Variants in ZPLD1 observed in about 807,000 individuals in gnomAD.
The protein encoded by ZPLD1 is zona pellucida like domain containing 1.
A neutral mutation model predicts 47.2 loss-of-function variants in ZPLD1; 34 were observed. The ratio of observed to expected loss-of-function variants is 0.72; its 90% CI spans 0.55 to 0.96. ZPLD1 has a LOEUF of 0.96. Among genes scored for constraint, ZPLD1 ranks in the 40% least tolerant of loss-of-function variants. The pLI is 0.00. For synonymous variants in ZPLD1, 176 were observed against 186.2 expected, an observed-to-expected ratio of 0.95 and a Z score of 0.45; for missense variants, 512 against 505.8, an observed-to-expected ratio of 1.01 and a Z score of -0.12.
intron 10 of ZPLD1, among the ~76,000 whole-genome samples, chr3:102,476,751 A>T (rs1317456556): frequency 1.3e-5 from 2 of 152,030 alleles, no homozygotes; most frequent in Admixed American, 1.3e-4. Context: ...TTTCTATTAC[A>T]TTTGTATACC....
intron 8 of ZPLD1, 71 bp from the exon 9 acceptor site, chr3:102,468,893 A>G (rs1707638709): frequency 6.9e-7 from 1 of 1,459,280 alleles, no homozygotes; most frequent in African/African-American, 1.4e-5. Flanking sequence ...ATACGGTAGA[A>G]ATTAATTTAC....
At position 102,477,392 on chromosome 3, in the gene ZPLD1, G is replaced by C. The variant is rs755367340; in HGVS notation, c.1073-51G>C. 2.6e-6 allele frequency: 4 copies of C among 1,568,496 alleles called. No individual in the cohort carries two copies. The South Asian group carries it at 3.6e-5, about 14-fold the overall frequency. On this transcript the variant is annotated intron_variant, in intron 11 of 11. Coordinates refer to ENST00000466937, the MANE Select transcript of ZPLD1 (RefSeq NM_001329788.2). ...TGCAGGTAAAATTGGGTCAAGGTGA[G>C]ATAAATATTATATGGGGCCTTTACA...
intron 7 of ZPLD1, 114 bp downstream of exon 7, chr3:102,462,492 C>A (rs1335188345): frequency 4.7e-6 from 3 of 635,138 alleles, no homozygotes; most frequent in Non-Finnish European, 8.0e-6. Context: ...ATTATCATTG[C>A]CACACCATTT....
At chr3:102,450,823 T>A (rs1046708265) in intron 3 of ZPLD1, among the ~76,000 whole-genome samples, 3 of 152,324 alleles carry the variant, frequency 2.0e-5, no homozygotes, top group African/African-American at 7.2e-5. Flanking sequence ...AGTTCATAGA[T>A]ACTCATAAAC....
At chr3:102,393,407 C>T (rs1264318022) in intron 7 of ZPLD1, among the ~76,000 whole-genome samples, 3 of 152,070 alleles carry the variant, frequency 2.0e-5, no homozygotes, top group African/African-American at 7.2e-5. Context: ...ATTGCAGATT[C>T]AACAACTCCG....
At chr3:102,464,587 G>A (rs916743980) in intron 8 of ZPLD1, among the ~76,000 whole-genome samples, 1 of 152,138 alleles carries the variant, frequency 6.6e-6, no homozygotes, top group Non-Finnish European at 1.5e-5. Context: ...ATGCAATAGA[G>A]GTTACTATTT....
At chr3:102,477,182 C>A in intron 11 of ZPLD1, 141 bp downstream of exon 11, 1 of 1,018,158 alleles carries the variant, frequency 9.8e-7, no homozygotes, top group Non-Finnish European at 1.5e-6. Flanking sequence ...TTTTCAAACT[C>A]ATATGTGATC....
At position 102,476,812 on chromosome 3, in the gene ZPLD1, A is replaced by G. The variant is rs574399688; in HGVS notation, c.1043-200A>G. 9.2e-5 allele frequency among the ~76,000 whole-genome samples: 14 copies of G among 152,264 alleles called. No individual in the cohort carries two copies. The South Asian group carries it at 2.3e-3, about 25-fold the overall frequency. ...GGGGAATAGAAAGATGATGAAATCC[A>G]GGACATATGAAACAGGGCATGGACA... is the stretch of plus-strand genomic sequence containing the variant. On this transcript the variant is annotated intron_variant, in intron 10 of 11. Coordinates refer to ENST00000466937, the MANE Select transcript of ZPLD1 (RefSeq NM_001329788.2).
At chr3:102,470,694 C>G (rs1225867965) in intron 10 of ZPLD1, among the ~76,000 whole-genome samples, 192 bp downstream of exon 10, 1 of 151,580 alleles carries the variant, frequency 6.6e-6, no homozygotes, top group African/African-American at 2.4e-5. Flanking sequence ...GCAATATTGT[C>G]TTTACTACGT....
chr3:102,389,253 T>C (rs1394816547), intron 6 of ZPLD1, among the ~76,000 whole-genome samples: 1 of 152,186 alleles, frequency 6.6e-6, no homozygotes, highest in African/African-American at 2.4e-5. Flanking sequence ...TACAATTAAT[T>C]TGGTGAAATT....
chr3:102,472,053 G>A lies in ZPLD1; in HGVS notation c.1042+1551G>A, dbSNP rs72942863. ...GAAATAGGCAAATCAGCAAAAAGTGGTTTTGGCCCAAAAAATTCAGACAAT... is the reference window on the plus strand; with the variant it reads ...GAAATAGGCAAATCAGCAAAAAGTGATTTTGGCCCAAAAAATTCAGACAAT... On this transcript the variant is annotated intron_variant, in intron 10 of 11. Coordinates refer to ENST00000466937, the MANE Select transcript of ZPLD1 (RefSeq NM_001329788.2). Among the ~76,000 whole-genome samples the A allele has an allele frequency of 3.1e-3, 466 of 152,278 alleles. 2 individuals carry two copies. Among genetic ancestry groups the A allele is most frequent in the Middle Eastern group, 0.024 (7 of 294 alleles).
chr3:102,470,417 A>G lies in ZPLD1; in HGVS notation c.957A>G (p.Arg319=), dbSNP rs1466901412. The change falls in exon 10 of 12, where the codon AGA becomes AGG. Residue 319 remains arginine, a synonymous_variant. Coordinates refer to ENST00000466937, the MANE Select transcript of ZPLD1 (RefSeq NM_001329788.2). ...AGATTTGCAGCCACAGAGAAAGGAG[A>G]GATGCTGGGAGGAGGACGACTTGGA... ...LMPICSHRER[R]DAGRRTTWSP... 6.2e-7 allele frequency: 1 copy of G among 1,613,684 alleles called. No homozygotes were observed. The highest frequency in any genetic ancestry group is 8.5e-7 in the Non-Finnish European group (1 of 1,179,878).
chr3:102,431,425 A>G (rs939983780), upstream of ZPLD1, among the ~76,000 whole-genome samples: 4 of 152,196 alleles, frequency 2.6e-5, no homozygotes, highest in Non-Finnish European at 5.9e-5. Flanking sequence ...TTCTACATTA[A>G]TGAATGTATA....
At chr3:102,411,764 G>A (rs1706749803) in intron 7 of ZPLD1, among the ~76,000 whole-genome samples, 1 of 151,732 alleles carries the variant, frequency 6.6e-6, no homozygotes, top group African/African-American at 2.4e-5. Context: ...ATTAATTATA[G>A]GATAGGAGAG....
At chr3:102,432,466 G>T (rs10937024), upstream of ZPLD1, among the ~76,000 whole-genome samples, 20,036 of 152,152 alleles carry the variant, frequency 0.13, 1,391 homozygotes, top group Middle Eastern at 0.18. Context: ...TATTTAGTTT[G>T]AATTTTCTAT....
At chr3:102,390,783 C>T (rs1156419412) in intron 6 of ZPLD1, among the ~76,000 whole-genome samples, 1 of 152,160 alleles carries the variant, frequency 6.6e-6, no homozygotes, top group Non-Finnish European at 1.5e-5. Context: ...TAACTGGCCA[C>T]TCATAGCCAT....
chr3:102,409,975 G>A (rs1376079240), intron 7 of ZPLD1, among the ~76,000 whole-genome samples: 1 of 151,730 alleles, frequency 6.6e-6, no homozygotes, highest in Non-Finnish European at 1.5e-5. Context: ...TAACAACATT[G>A]ATTAGGTTTT....
rs1301107890 is a variant in ZPLD1, at chr3:102,477,553, C to T, written c.1183C>T (p.Leu395Phe). 2.5e-6 allele frequency: 4 copies of T among 1,613,666 alleles called. No individual in the cohort carries two copies. Among genetic ancestry groups the T allele is most frequent in the Non-Finnish European group, 3.4e-6 (4 of 1,179,778 alleles). ...SFSLLLCSLA[L>F]LHRKGPTSLV... ...TTCTCTTCTTCTGTGCTCACTGGCC[C>T]TTCTGCACAGGAAGGGACCCACAAG... Residue 395 changes from leucine (L) to phenylalanine (F), a missense_variant, in exon 12 of 12, where the codon CTT becomes TTT. Physicochemically the swap from Leu to Phe is conservative, Grantham distance 22 (BLOSUM62 0). Transcript: ENST00000466937.
chr3:102,462,314 A>G lies in ZPLD1; in HGVS notation c.616A>G (p.Ser206Gly), dbSNP rs1245088875. The change falls in exon 7 of 12, where the codon AGT becomes GGT. Residue 206 changes from serine (S) to glycine (G), a missense_variant. By Grantham distance (56) the Ser-to-Gly change is moderately conservative. Coordinates refer to ENST00000466937, the MANE Select transcript of ZPLD1 (RefSeq NM_001329788.2). ...STYNQQLIIPSIGLPLKTKVF... is the reference protein window; with the variant it reads ...STYNQQLIIPGIGLPLKTKVF... ...CTACAACCAGCAGTTAATTATCCCC[A>G]GTATAGGATTACCTTTGAAAACCAA... The G allele has an allele frequency of 1.2e-6, 2 of 1,611,482 alleles. No homozygotes were observed. The highest frequency in any genetic ancestry group is 1.7e-6 in the Non-Finnish European group (2 of 1,178,730).
Sources: allele counts gnomAD v4.1 joint callset (sites outside exome capture counted in the v4.1 genomes callset), GRCh38; gene constraint gnomAD v4.1.1; transcripts MANE v1.5; gene names NCBI Gene and HGNC (gene_info 2026-07-23, HGNC 2026-07-21).